The following IL1RAPL1 variants were observed in gnomAD, a reference collection of about 807,000 sequenced individuals.
IL1RAPL1 encodes interleukin 1 receptor accessory protein like 1.
Under a neutral mutation model 48.4 loss-of-function variants are expected in IL1RAPL1, and 3 were observed. The ratio of observed to expected loss-of-function variants is 0.06; its 90% CI spans 0.03 to 0.16. The LOEUF (loss-of-function observed/expected upper bound fraction) is 0.16, where lower values mean the gene tolerates loss of function less well. IL1RAPL1 is among the 10% of genes least tolerant of loss of function. The pLI, the probability that IL1RAPL1 is intolerant of heterozygous loss-of-function variation, is 1.00. For missense variants in IL1RAPL1, 349 were observed against 530.6 expected, an observed-to-expected ratio of 0.66 and a Z score of 3.36; for synonymous variants, 185 against 187.7, an observed-to-expected ratio of 0.99 and a Z score of 0.12.
intron 2 of IL1RAPL1, among the ~76,000 whole-genome samples, chrX:29,175,617 C>T (rs752487333): frequency 2.3e-4 from 25 of 109,327 alleles, no homozygotes; most frequent in African/African-American, 6.0e-4. Context: ...GAGGCCGAGG[C>T]GGGAGGATCA....
chrX:29,803,187 ATATG>A (rs1930081102), intron 6 of IL1RAPL1, among the ~76,000 whole-genome samples: 2 of 29,185 alleles, frequency 6.9e-5, no homozygotes, highest in Admixed American at 6.0e-4. Flanking sequence ...ATATATGTAT[ATATG>A]TATACATATA....
intron 6 of IL1RAPL1, among the ~76,000 whole-genome samples, chrX:29,727,352 T>C (rs1029947199): frequency 8.9e-6 from 1 of 111,855 alleles, no homozygotes; most frequent in African/African-American, 3.3e-5. Flanking sequence ...TTGTGAAGGA[T>C]ATGAAAAAAG....
At chrX:29,619,862 G>T (rs985847566) in intron 5 of IL1RAPL1, among the ~76,000 whole-genome samples, 2 of 111,325 alleles carry the variant, frequency 1.8e-5, no homozygotes, top group African/African-American at 6.5e-5. Context: ...TTTCTGAAAG[G>T]CTTCCACAGG....
intron 3 of IL1RAPL1, among the ~76,000 whole-genome samples, chrX:29,312,864 A>T (rs1471725006): frequency 9.0e-6 from 1 of 110,888 alleles, no homozygotes; most frequent in Non-Finnish European, 1.9e-5. Context: ...ACGAGATCTC[A>T]TGGTTTCATA....
intron 2 of IL1RAPL1, among the ~76,000 whole-genome samples, chrX:28,969,650 T>C (rs1479322253): frequency 9.1e-6 from 1 of 109,741 alleles, no homozygotes; most frequent in African/African-American, 3.3e-5. Context: ...ATATTATAGG[T>C]TTTAGACTCT....
Position 29,955,200 on chromosome X carries a change from G to C in IL1RAPL1, c.1471G>C (p.Glu491Gln), listed in dbSNP as rs778541766. The C allele has an allele frequency of 1.7e-6, 2 of 1,208,930 alleles. No individual in the cohort carries two copies. The highest frequency in any genetic ancestry group is 2.2e-6 in the Non-Finnish European group (2 of 894,741). ...YVVRRGWSIF[E>Q]LETRLRNMLV... Reference sequence around the variant, plus strand: ...AGTTAGAAGGGGCTGGAGCATCTTTGAGCTGGAAACCAGACTTCGAAATAT... The same window carrying C: ...AGTTAGAAGGGGCTGGAGCATCTTTCAGCTGGAAACCAGACTTCGAAATAT... Residue 491 changes from glutamate (E) to glutamine (Q), a missense_variant, in exon 11 of 11, where the codon GAG (glutamate) becomes CAG (glutamine). By Grantham distance (29) the Glu-to-Gln change is conservative. Around this residue, in one of 3 missense-constraint regions of IL1RAPL1, gnomAD observed 46 missense variants for 113.3 expected, o/e 0.41. Transcript: ENST00000378993.
At position 29,605,182 on chromosome X, in the gene IL1RAPL1, G is replaced by T. The variant is rs774909396; in HGVS notation, c.704-63248G>T. Among the ~76,000 whole-genome samples the T allele has an allele frequency of 6.5e-5, 7 of 108,430 alleles. No homozygotes were observed. The Admixed American group carries it at 7.0e-4, about 11-fold the overall frequency. 94.2% of individuals were successfully genotyped at this position (108,430 alleles called of 115,157 possible). A position where few individuals can be genotyped will look rare whatever the true frequency, so the allele number is the denominator to read the frequency against. Reference sequence around the variant, plus strand: ...GAGAGAGACAGAGAGAAAGAGAAAGGTCTCTTTTCCTCTTTTGTATATTAT... The same window carrying T: ...GAGAGAGACAGAGAGAAAGAGAAAGTTCTCTTTTCCTCTTTTGTATATTAT... On this transcript the variant is annotated intron_variant, in intron 5 of 10. Coordinates refer to ENST00000378993, the MANE Select transcript of IL1RAPL1 (RefSeq NM_014271.4).
At chrX:28,937,447 G>A (rs1016235518) in intron 2 of IL1RAPL1, among the ~76,000 whole-genome samples, 1 of 111,094 alleles carries the variant, frequency 9.0e-6, no homozygotes, top group Non-Finnish European at 1.9e-5. Context: ...GTATGTAATT[G>A]CCATTTTAGA....
At chrX:29,834,412 A>G (rs1287311675) in intron 6 of IL1RAPL1, among the ~76,000 whole-genome samples, 1 of 111,445 alleles carries the variant, frequency 9.0e-6, no homozygotes, top group African/African-American at 3.3e-5. Flanking sequence ...TACATTTTTA[A>G]AATGGAAATC....
chrX:28,952,715 A>C (rs941811528), intron 2 of IL1RAPL1, among the ~76,000 whole-genome samples: 2 of 111,603 alleles, frequency 1.8e-5, no homozygotes, highest in Non-Finnish European at 3.8e-5. Flanking sequence ...TTGAAAAGAA[A>C]GGAAAAGTGT....
At chrX:29,408,027 C>T (rs1292157053) in intron 5 of IL1RAPL1, among the ~76,000 whole-genome samples, 2 of 111,915 alleles carry the variant, frequency 1.8e-5, no homozygotes, top group East Asian at 2.8e-4. Flanking sequence ...TAAACTCTAA[C>T]TCACATCCAG....
At chrX:29,839,982 G>T (rs1931103431) in intron 6 of IL1RAPL1, among the ~76,000 whole-genome samples, 1 of 111,869 alleles carries the variant, frequency 8.9e-6, no homozygotes, top group African/African-American at 3.2e-5. Context: ...TTGAGCCATT[G>T]ATTTAGCTAT....
intron 1 of IL1RAPL1, among the ~76,000 whole-genome samples, chrX:28,669,059 T>C (rs1934917454): frequency 9.0e-6 from 1 of 111,647 alleles, no homozygotes; most frequent in South Asian, 3.8e-4. Flanking sequence ...GTTGAACTTA[T>C]AAAAATTGCC....
At chrX:28,874,226 C>T (rs1407945320) in intron 2 of IL1RAPL1, among the ~76,000 whole-genome samples, 1 of 111,578 alleles carries the variant, frequency 9.0e-6, no homozygotes, top group African/African-American at 3.3e-5. Context: ...TGTTCCACTT[C>T]CAATGAAGGC....
chrX:28,716,463 T>A (rs1195494763), intron 1 of IL1RAPL1, among the ~76,000 whole-genome samples: 3 of 111,767 alleles, frequency 2.7e-5, no homozygotes, highest in Non-Finnish European at 1.9e-5. Context: ...CTGGGATAAC[T>A]GTCTGGCCAT....
chrX:28,774,986 G>C (rs1020640543), intron 1 of IL1RAPL1, among the ~76,000 whole-genome samples: 1 of 111,780 alleles, frequency 8.9e-6, no homozygotes, highest in African/African-American at 3.2e-5. Context: ...CACCAAGTCT[G>C]ATGACCTTCC....
At chrX:29,805,252 T>G (rs1930225580) in intron 6 of IL1RAPL1, among the ~76,000 whole-genome samples, 1 of 112,043 alleles carries the variant, frequency 8.9e-6, no homozygotes. Flanking sequence ...CACATGTACT[T>G]CTATTTCTGT....
chrX:29,557,122 G>T (rs1386664799), intron 5 of IL1RAPL1, among the ~76,000 whole-genome samples: 1 of 111,731 alleles, frequency 9.0e-6, no homozygotes, highest in African/African-American at 3.2e-5. Context: ...GTGTATGCGT[G>T]GGGCCATCTC....
At chrX:28,630,975 T>C (rs1444304967) in intron 1 of IL1RAPL1, among the ~76,000 whole-genome samples, 2 of 111,863 alleles carry the variant, frequency 1.8e-5, no homozygotes, top group African/African-American at 6.5e-5. Context: ...TTCCCTGTAA[T>C]AAGCAGCGCT....
Sources: gnomAD v4.1 joint callset for allele counts (sites outside exome capture counted in the v4.1 genomes callset) on GRCh38, gnomAD v4.1.1 for gene constraint, gnomAD v4.1.1 regional missense constraint, MANE v1.5 for transcripts, NCBI Gene and HGNC (gene_info 2026-07-23, HGNC 2026-07-21) for gene names.